Variants in TMEM87B observed in about 807,000 individuals in gnomAD.
The protein encoded by TMEM87B is transmembrane protein 87B.
A neutral mutation model predicts 80.3 loss-of-function variants in TMEM87B; 83 were observed. The ratio of observed to expected loss-of-function variants is 1.03; its 90% CI spans 0.87 to 1.24. The LOEUF (loss-of-function observed/expected upper bound fraction) is 1.24. Ranked by LOEUF, TMEM87B falls within the 50% of genes most tolerant of loss-of-function variation. The probability of loss-of-function intolerance (pLI) is 0.00; values close to 1 mark genes in which losing one functional copy is unlikely to be tolerated. For synonymous variants in TMEM87B, 219 were observed against 230.5 expected, an observed-to-expected ratio of 0.95 and a Z score of 0.45; for missense variants, 625 against 674.4, an observed-to-expected ratio of 0.93 and a Z score of 0.81.
rs530469890 is a variant in TMEM87B, at chr2:112,055,649, C to G, written c.58C>G (p.Pro20Ala). 35 of 1,567,408 alleles carry G rather than the reference C, an allele frequency of 2.2e-5. No individual in the cohort carries two copies. Among genetic ancestry groups the G allele is most frequent in the South Asian group, 1.3e-4 (11 of 86,474 alleles). Reference sequence around the variant, plus strand: ...CCTGCCACGCCGCCGCCGCTGCTTTCCCGCCCGGGCCCCGCTGCTGCGCGT... The same window carrying G: ...CCTGCCACGCCGCCGCCGCTGCTTTGCCGCCCGGGCCCCGCTGCTGCGCGT... ...GLLPRRRRCF[P>A]ARAPLLRVAL... The change falls in exon 1 of 19, where the codon CCC becomes GCC. Residue 20 changes from proline to alanine, a missense_variant. By Grantham distance (27) the Pro-to-Ala change is conservative. Transcript: ENST00000283206.
chr2:112,073,818 GTTGAA>G (rs1396981616), intron 4 of TMEM87B, among the ~76,000 whole-genome samples: 1 of 152,198 alleles, frequency 6.6e-6, no homozygotes, highest in Non-Finnish European at 1.5e-5. Context: ...TAAGTCTTCA[GTTGAA>G]TTGAACCCTT....
intron 12 of TMEM87B, 37 bp downstream of exon 12, chr2:112,097,189 A>G: frequency 6.3e-7 from 1 of 1,598,696 alleles, no homozygotes; most frequent in Non-Finnish European, 8.5e-7. Flanking sequence ...AAATTATCTT[A>G]GTATTGTTAT....
chr2:112,088,744 A>C (rs1042325986), intron 9 of TMEM87B, among the ~76,000 whole-genome samples: 2 of 152,024 alleles, frequency 1.3e-5, no homozygotes, highest in African/African-American at 4.8e-5. Flanking sequence ...TGAAAGAGCC[A>C]AAAAAAATTT....
In TMEM87B at chr2:112,060,073, C is replaced by T. The variant is rs1223933267; in HGVS notation, c.226+36C>T. On this transcript the variant is annotated intron_variant, in intron 2 of 18. Transcript: ENST00000283206. ...TAAAACAATAAAATACTAGACTGGG[C>T]GCAATGGCTCACGCCTGTAATCCCG... The T allele has an allele frequency of 1.0e-5, 15 of 1,480,244 alleles. No individual in the cohort carries two copies. In the East Asian group the frequency reaches 2.3e-4, roughly 23 times the overall value. The allele number at this position is 1,480,244 out of a possible 1,614,324, so 91.7% of individuals were successfully genotyped here.
intron 2 of TMEM87B, among the ~76,000 whole-genome samples, chr2:112,062,855 T>C (rs1042664209): frequency 4.6e-5 from 7 of 152,216 alleles, no homozygotes; most frequent in African/African-American, 1.7e-4. Context: ...CCACTCTGGC[T>C]AGTGGAAACT....
intron 6 of TMEM87B, among the ~76,000 whole-genome samples, chr2:112,077,649 C>G (rs748398630): frequency 6.6e-6 from 1 of 152,138 alleles, no homozygotes; most frequent in Non-Finnish European, 1.5e-5. Flanking sequence ...AAATGGCCAT[C>G]ATCAGGGATT....
chr2:112,071,296 T>G (rs1045197066), intron 4 of TMEM87B, among the ~76,000 whole-genome samples: 2 of 141,358 alleles, frequency 1.4e-5, no homozygotes, highest in Non-Finnish European at 1.5e-5. Context: ...ATGCTAGTGA[T>G]TCCCCCCCCG....
intron 3 of TMEM87B, among the ~76,000 whole-genome samples, chr2:112,064,647 A>C (rs1252586682): frequency 2.6e-5 from 4 of 152,206 alleles, no homozygotes; most frequent in Non-Finnish European, 4.4e-5. Context: ...TGAGGAGAAG[A>C]AAGGAGGTAT....
chr2:112,111,017 A>G (rs973547056), intron 17 of TMEM87B, among the ~76,000 whole-genome samples: 1 of 151,896 alleles, frequency 6.6e-6, no homozygotes, highest in Non-Finnish European at 1.5e-5. Flanking sequence ...TATTTTTCCT[A>G]AAGTCTCTCA....
chr2:112,106,295 TC>T (rs1300985576), intron 16 of TMEM87B, among the ~76,000 whole-genome samples: 4 of 152,152 alleles, frequency 2.6e-5, no homozygotes, highest in Admixed American at 2.6e-4. Context: ...CACCTGCTGT[TC>T]CTAGGCCAGC....
intron 4 of TMEM87B, among the ~76,000 whole-genome samples, chr2:112,074,648 A>C (rs952293192): frequency 2.0e-5 from 3 of 152,052 alleles, no homozygotes; most frequent in Non-Finnish European, 4.4e-5. Context: ...TGATATACTG[A>C]AATAGGTTTT....
At position 112,055,538 on chromosome 2, in the gene TMEM87B, C is replaced by T. The variant is rs1236988724; in HGVS notation, c.-54C>T. ...CCGCCTGCCTGGGGCGGTGCTGCAC[C>T]AGGTGCGGGTGTGGCAGGCGTCTCG... On this transcript the variant is annotated 5_prime_UTR_variant, in exon 1 of 19. Transcript: ENST00000283206. 3 of 1,449,678 alleles carry T rather than the reference C, an allele frequency of 2.1e-6. No homozygotes were observed. Among genetic ancestry groups the T allele is most frequent in the Non-Finnish European group, 1.8e-6 (2 of 1,105,046 alleles). The allele number at this position is 1,449,678 out of a possible 1,614,324, so 89.8% of individuals were successfully genotyped here.
At chr2:112,111,707 C>G (rs561647927) in intron 17 of TMEM87B, among the ~76,000 whole-genome samples, 1 of 152,090 alleles carries the variant, frequency 6.6e-6, no homozygotes, top group Non-Finnish European at 1.5e-5. Context: ...GGAAATGGAA[C>G]AAAAATTTTA....
intron 1 of TMEM87B, among the ~76,000 whole-genome samples, chr2:112,058,019 G>T (rs1678133517): frequency 1.3e-5 from 2 of 152,026 alleles, no homozygotes; most frequent in Non-Finnish European, 2.9e-5. Context: ...TACAGGCAGG[G>T]TTTTTCCATG....
chr2:112,085,909 C>T (rs963182199), intron 8 of TMEM87B, 96 bp from the exon 9 acceptor site: 3 of 919,518 alleles, frequency 3.3e-6, no homozygotes, highest in African/African-American at 1.7e-5. Context: ...GTCTGAAGTT[C>T]GAATGTAGTT....
intron 11 of TMEM87B, among the ~76,000 whole-genome samples, chr2:112,093,569 T>G (rs577978146): frequency 6.6e-6 from 1 of 152,330 alleles, no homozygotes; most frequent in East Asian, 1.9e-4. Flanking sequence ...AAAAGCATAT[T>G]CTACTTTGTT....
chr2:112,065,589 G>A (rs1008394088), intron 3 of TMEM87B, among the ~76,000 whole-genome samples: 3 of 148,044 alleles, frequency 2.0e-5, no homozygotes, highest in Non-Finnish European at 4.4e-5. Flanking sequence ...AAGTTGCAAT[G>A]TGCTGTGATT....
intron 3 of TMEM87B, among the ~76,000 whole-genome samples, chr2:112,065,212 A>G (rs774476718): frequency 3.3e-5 from 5 of 152,200 alleles, no homozygotes; most frequent in African/African-American, 4.8e-5. Context: ...TTTTGGCTTC[A>G]TCTCTAAATA....
At chr2:112,059,168 T>G (rs1457359140) in intron 1 of TMEM87B, among the ~76,000 whole-genome samples, 1 of 152,056 alleles carries the variant, frequency 6.6e-6, no homozygotes, top group Non-Finnish European at 1.5e-5. Context: ...TTTTGTTTTG[T>G]TTTTAATGCC....
Sources: allele counts gnomAD v4.1 joint callset (sites outside exome capture counted in the v4.1 genomes callset), GRCh38; gene constraint gnomAD v4.1.1; transcripts MANE v1.5; gene names NCBI Gene and HGNC (gene_info 2026-07-23, HGNC 2026-07-21).